The following ZNF18 variants were observed in gnomAD, a reference collection of about 807,000 sequenced individuals.
ZNF18 encodes heart development-specific gene 1 protein.
In ZNF18, 42 loss-of-function variants were observed where a neutral mutation model predicts 58.1. The ratio of observed to expected loss-of-function variants is 0.72; its 90% confidence interval spans 0.56 to 0.93. ZNF18 has a LOEUF of 0.93. Among genes scored for constraint, ZNF18 ranks in the 40% least tolerant of loss-of-function variants. The pLI is 0.00. For synonymous variants in ZNF18, 231 were observed against 239.8 expected, an observed-to-expected ratio of 0.96 and a Z score of 0.34; for missense variants, 540 against 644.2, an observed-to-expected ratio of 0.84 and a Z score of 1.75.
the ZNF18 span, among the ~76,000 whole-genome samples, chr17:12,008,104 C>A: frequency 1.1e-4 from 16 of 152,124 alleles, no homozygotes; most frequent in African/African-American, 3.6e-4. Flanking sequence ...AGCCAAGGCA[C>A]CAAACAGAAA....
chr17:12,001,850 T>TTAAAA (rs1968663323), upstream of ZNF18, among the ~76,000 whole-genome samples: 2 of 151,886 alleles, frequency 1.3e-5, no homozygotes, highest in Admixed American at 1.3e-4. Context: ...TTTTTAAAAA[T>TTAAAA]CTATTATAAA....
chr17:11,993,041 AC>A (rs1968233768), intron 1 of ZNF18, 130 bp from the exon 2 acceptor site: 1 of 559,342 alleles, frequency 1.8e-6, no homozygotes, highest in Non-Finnish European at 3.1e-6. Context: ...CAATGGATAC[AC>A]GATTCTATTT....
At chr17:12,020,856 C>A in the ZNF18 span, 9 of 1,012,290 alleles carry the variant, frequency 8.9e-6, no homozygotes, top group African/African-American at 1.3e-4. Context: ...TTGCAGCCGC[C>A]GCGGCGCCGC....
upstream of ZNF18, among the ~76,000 whole-genome samples, chr17:11,999,928 TTTG>T (rs752414660): frequency 2.8e-4 from 43 of 152,202 alleles, no homozygotes; most frequent in Middle Eastern, 3.4e-3. Context: ...TGCAAAAGTT[TTTG>T]TTGTTGTTGT....
At chr17:12,005,961 T>C in the ZNF18 span, among the ~76,000 whole-genome samples, 4 of 107,246 alleles carry the variant, frequency 3.7e-5, no homozygotes, top group Non-Finnish European at 8.3e-5. Context: ...CTGTTCTAGA[T>C]CTGGGAGCTT....
chr17:12,013,202 C>T, the ZNF18 span, among the ~76,000 whole-genome samples: 4 of 152,066 alleles, frequency 2.6e-5, no homozygotes, highest in East Asian at 1.9e-4. Flanking sequence ...CACCCACCTG[C>T]GCCTCCCAAA....
the ZNF18 span, among the ~76,000 whole-genome samples, chr17:12,018,297 G>A: frequency 6.6e-6 from 1 of 152,284 alleles, no homozygotes; most frequent in South Asian, 2.1e-4. Context: ...CTGTGTATTA[G>A]TTTGCTAAGG....
chr17:11,981,164 A>T, intron 6 of ZNF18, among the ~76,000 whole-genome samples: 1 of 152,164 alleles, frequency 6.6e-6, no homozygotes, highest in South Asian at 2.1e-4. Context: ...CCATTTGGTT[A>T]CTGTGACTTC....
At chr17:11,997,969 T>G (rs1224916663), upstream of ZNF18, among the ~76,000 whole-genome samples, 6 of 152,168 alleles carry the variant, frequency 3.9e-5, no homozygotes, top group Non-Finnish European at 5.9e-5. Flanking sequence ...CAGCTCTGCA[T>G]CCCCTGGGTC....
chr17:12,004,887 C>CAAAA, the ZNF18 span, among the ~76,000 whole-genome samples: 15 of 56,172 alleles, frequency 2.7e-4, no homozygotes, highest in African/African-American at 6.8e-4. Flanking sequence ...AACTCCATCT[C>CAAAA]AAAAAAAAAA....
Position 11,978,422 on chromosome 17 carries a change from C to A in ZNF18, c.1185G>T (p.Gln395His), listed in dbSNP as rs771001322. ...MWLEEKRETS[Q>H]KGQPRAPMAQ... ...CCATGGGGGCTCTTGGCTGCCCCTT[C>A]TGGGAGGTCTCTCTCTTCTCCTCAA... Residue 395 changes from glutamine to histidine, a missense_variant, in exon 7 of 7, where the codon CAG becomes CAT. Coordinates refer to ENST00000580306, the MANE Select transcript of ZNF18 (RefSeq NM_001303281.2). 1.3e-6 allele frequency: 2 copies of A among 1,548,636 alleles called. 1 individual carries two copies. The highest frequency in any genetic ancestry group is 2.6e-5 in the South Asian group (2 of 78,154).
intron 6 of ZNF18, among the ~76,000 whole-genome samples, chr17:11,981,526 A>G (rs1209237028): frequency 7.9e-6 from 1 of 127,060 alleles, no homozygotes; most frequent in African/African-American, 2.9e-5. Context: ...GGAACCTATA[A>G]TAGCTTTTTT....
In ZNF18 at chr17:11,978,470, T is replaced by C. The variant is rs1230345739; in HGVS notation, c.1137A>G (p.Ser379=). ...QLGQHLPNPH[S]GEMSTMWLEE... Reference sequence around the variant, plus strand: ...CAAGCCACATGGTGGACATTTCTCCTGAATGAGGATTAGGCAAATGCTGAC... The same window carrying C: ...CAAGCCACATGGTGGACATTTCTCCCGAATGAGGATTAGGCAAATGCTGAC... Residue 379 remains serine (S), a synonymous_variant, in exon 7 of 7, where the codon TCA becomes TCG. Coordinates refer to ENST00000580306, the MANE Select transcript of ZNF18 (RefSeq NM_001303281.2). 1 of 1,587,448 alleles carries C rather than the reference T, an allele frequency of 6.3e-7. No homozygotes were observed. The highest frequency in any genetic ancestry group is 1.2e-5 in the South Asian group (1 of 86,528).
Position 11,978,744 on chromosome 17 carries a change from C to G in ZNF18, c.863G>C (p.Gly288Ala). The G allele has an allele frequency of 6.4e-7, 1 of 1,571,712 alleles. No individual in the cohort carries two copies. Among genetic ancestry groups the G allele is most frequent in the Non-Finnish European group, 8.6e-7 (1 of 1,166,262 alleles). ...CTCCTTGTCATTCTCTTGTCTATCTCCTAAAAGAAGAAAGAAGATTTGAAA... is the reference window on the plus strand; with the variant it reads ...CTCCTTGTCATTCTCTTGTCTATCTGCTAAAAGAAGAAAGAAGATTTGAAA... ...NEKIPRPTCI[G>A]DRQENDKENL... The change falls in exon 7 of 7, where the codon GGA (glycine) becomes GCA (alanine). Residue 288 changes from glycine to alanine, a missense_variant and splice_region_variant. Gly to Ala is a moderately conservative substitution (Grantham distance 60). Coordinates refer to ENST00000580306, the MANE Select transcript of ZNF18 (RefSeq NM_001303281.2).
chr17:11,980,620 T>C lies in ZNF18; in HGVS notation c.863-1876A>G, dbSNP rs146226624. ...AGTGTAGTTAGATGGGGTTTCACCA[T>C]GTTAGCCAGGCTGGTCTCGAACTCC... On this transcript the variant is annotated intron_variant, in intron 6 of 6. Transcript: ENST00000580306. Among the ~76,000 whole-genome samples, 1,370 of 152,184 alleles carry C rather than the reference T, an allele frequency of 9.0e-3. 25 individuals are homozygous for C. The highest frequency in any genetic ancestry group is 0.032 in the African/African-American group (1,316 of 41,512).
intron 6 of ZNF18, among the ~76,000 whole-genome samples, 198 bp downstream of exon 6, chr17:11,983,097 AAT>A: frequency 6.6e-6 from 1 of 152,316 alleles, no homozygotes; most frequent in East Asian, 1.9e-4. Context: ...TCCATAGTTA[AAT>A]ATGTGTCAAC....
chr17:12,007,895 C>T, the ZNF18 span, among the ~76,000 whole-genome samples: 1 of 152,062 alleles, frequency 6.6e-6, no homozygotes, highest in Admixed American at 6.5e-5. Flanking sequence ...AGGGTCTGAA[C>T]ACTGGGGAAC....
the ZNF18 span, among the ~76,000 whole-genome samples, chr17:12,003,474 C>A: frequency 6.6e-6 from 1 of 151,088 alleles, no homozygotes; most frequent in Admixed American, 6.6e-5. Context: ...CAAGAAGGTT[C>A]AGGTGGGGCT....
chr17:11,996,006 G>C (rs1317790804), intron 1 of ZNF18, among the ~76,000 whole-genome samples: 1 of 152,160 alleles, frequency 6.6e-6, no homozygotes, highest in African/African-American at 2.4e-5. Context: ...AAACTTTAGA[G>C]CTTCCTGGGT....
Sources: allele counts gnomAD v4.1 joint callset (sites outside exome capture counted in the v4.1 genomes callset), GRCh38; gene constraint gnomAD v4.1.1; transcripts MANE v1.5; gene names NCBI Gene and HGNC (gene_info 2026-07-23, HGNC 2026-07-21).